Variants in BTNL8 observed in about 807,000 individuals in gnomAD.
BTNL8 encodes butyrophilin-like protein 8.
Under a neutral mutation model 36.1 loss-of-function variants are expected in BTNL8, and 22 were observed. The ratio of observed to expected loss-of-function variants is 0.61; its 90% CI spans 0.44 to 0.87. The LOEUF is 0.87. Ranked by LOEUF, BTNL8 falls within the 40% of genes least tolerant of loss-of-function variation. The probability of loss-of-function intolerance (pLI) is 0.00; values close to 1 mark genes in which losing one functional copy is unlikely to be tolerated. For synonymous variants in BTNL8, 203 were observed against 235.6 expected (o/e 0.86, Z 1.27); for missense variants, 526 against 616.9 (o/e 0.85, Z 1.56).
At chr5:180,918,241 T>C (rs1207236031) in intron 3 of BTNL8, among the ~76,000 whole-genome samples, 2 of 151,994 alleles carry the variant, frequency 1.3e-5, no homozygotes, top group African/African-American at 4.8e-5. Flanking sequence ...TTCCAACAAA[T>C]ATTAGCCAAC....
Position 180,935,386 on chromosome 5 carries a change from T to C in BTNL8, c.674-12126T>C, listed in dbSNP as rs1222175115. Among the ~76,000 whole-genome samples the C allele has an allele frequency of 6.6e-6, 1 of 152,224 alleles. No individual in the cohort carries two copies. The highest frequency in any genetic ancestry group is 2.4e-5 in the African/African-American group (1 of 41,468). ...TGTGCAGAGCTGCCCTCAGCCATCG[T>C]CCTCCCTCCTGTGCTCACTGGTGCT... is the stretch of plus-strand genomic sequence containing the variant. On this transcript the variant is annotated intron_variant, in intron 3 of 7. Coordinates refer to ENST00000340184, the MANE Select transcript of BTNL8 (RefSeq NM_001040462.3). The surrounding 1 kb of genome is among the most constrained non-coding windows in gnomAD (Gnocchi z 4.8).
At chr5:180,941,914 T>TTTTTTTTTTTTTTTTTTTTTTTG (rs1281454934) in intron 3 of BTNL8, among the ~76,000 whole-genome samples, 17 of 150,870 alleles carry the variant, frequency 1.1e-4, no homozygotes, top group Non-Finnish European at 1.8e-4. Context: ...TTACTACTCT[T>TTTTTTTTTTTTTTTTTTTTTTTG]ATTCAACAAA....
Position 180,905,968 on chromosome 5 carries a change from T to G in BTNL8, c.50-2618T>G, listed in dbSNP as rs1479546678. Among the ~76,000 whole-genome samples the G allele has an allele frequency of 1.9e-4, 26 of 138,146 alleles. No homozygotes were observed. The East Asian group carries it at 5.0e-3, about 27-fold the overall frequency. 90.6% of individuals were successfully genotyped at this position (138,146 alleles called of 152,430 possible). A position where few individuals can be genotyped will look rare whatever the true frequency, so the allele number is the denominator to read the frequency against. On this transcript the variant is annotated intron_variant, in intron 1 of 7. Transcript: ENST00000340184. ...TATGTGGTCAATTTTGTAACAGGTG[T>G]GGTGTGGTGCTGAAAAAAATGTATA...
intron 3 of BTNL8, among the ~76,000 whole-genome samples, chr5:180,942,673 A>G (rs978749064): frequency 2.0e-5 from 3 of 151,882 alleles, no homozygotes; most frequent in African/African-American, 7.3e-5. Flanking sequence ...GAAAGGTGCC[A>G]AGAATATATA....
intron 3 of BTNL8, among the ~76,000 whole-genome samples, chr5:180,941,758 T>C (rs990710249): frequency 6.6e-6 from 1 of 151,950 alleles, no homozygotes; most frequent in Non-Finnish European, 1.5e-5. Context: ...CTGCATGATA[T>C]AAACTCTCAA....
chr5:180,947,980 A>G (rs1582068850), intron 4 of BTNL8: 1 of 689,832 alleles, frequency 1.4e-6, no homozygotes, highest in Non-Finnish European at 2.4e-6. Context: ...GACTGACAAT[A>G]AGATAAAATT....
chr5:180,949,087 G>A lies in BTNL8; in HGVS notation c.835+141G>A, dbSNP rs1175052868. 61 of 1,224,492 alleles carry A rather than the reference G, an allele frequency of 5.0e-5. 11 individuals are homozygous for A. Among genetic ancestry groups the A allele is most frequent in the Non-Finnish European group, 6.8e-5 (60 of 880,758 alleles). 75.9% of individuals were successfully genotyped at this position (1,224,492 alleles called of 1,614,324 possible). On this transcript the variant is annotated intron_variant, in intron 6 of 7. Transcript: ENST00000340184. ...TCTGAAATTGCAGATTCTGGGGGAG[G>A]TGCATTTTGTAGAGAAGCCCCATAG...
At chr5:180,926,114 A>G (rs530517276) in intron 3 of BTNL8, among the ~76,000 whole-genome samples, 2 of 152,266 alleles carry the variant, frequency 1.3e-5, no homozygotes, top group East Asian at 3.9e-4. Flanking sequence ...TGCATTTCCA[A>G]CTGAGGTACC....
chr5:180,916,021 T>C (rs935885749), intron 3 of BTNL8, among the ~76,000 whole-genome samples: 1 of 152,208 alleles, frequency 6.6e-6, no homozygotes, highest in Non-Finnish European at 1.5e-5. Context: ...ATTTGGCTCA[T>C]GGTCGTGGAG....
chr5:180,949,458 GGGA>G lies in BTNL8; in HGVS notation c.862+195_862+197del, dbSNP rs1272451150. 81 of 919,982 alleles carry G rather than the reference GGGA, an allele frequency of 8.8e-5. 11 individuals are homozygous for G. In the African/African-American group the frequency reaches 1.2e-3, roughly 13 times the overall value. The allele number at this position is 919,982 out of a possible 1,614,324, so 57.0% of individuals were successfully genotyped here. On this transcript the variant is annotated intron_variant, in intron 7 of 7. Coordinates refer to ENST00000340184, the MANE Select transcript of BTNL8 (RefSeq NM_001040462.3). ...ACACTTCTTTCCCTTGGTCTAGAAG[GGGA>G]GAAGACAGGGGCTGGGTAAACGGGA...
intron 3 of BTNL8, among the ~76,000 whole-genome samples, chr5:180,917,852 C>A (rs1244288894): frequency 6.6e-6 from 1 of 151,578 alleles, no homozygotes; most frequent in East Asian, 1.9e-4. Context: ...CACGGTGAAA[C>A]CCTGTCTCTA....
chr5:180,936,215 C>T (rs1018856293), intron 3 of BTNL8, among the ~76,000 whole-genome samples: 1 of 151,978 alleles, frequency 6.6e-6, no homozygotes. Flanking sequence ...GCACTTCTTT[C>T]TAACATAGTA....
intron 2 of BTNL8, 50 bp from the exon 3 acceptor site, chr5:180,911,289 G>C (rs749371133): frequency 6.3e-7 from 1 of 1,597,136 alleles, no homozygotes; most frequent in Admixed American, 1.7e-5. Flanking sequence ...GAATTGCTGT[G>C]GCTTTGGGAT....
rs146239583 is a variant in BTNL8, at chr5:180,908,687, A to C, written c.151A>C (p.Met51Leu). Residue 51 changes from methionine (M) to leucine (L), a missense_variant, in exon 2 of 8, where the codon ATG becomes CTG. By Grantham distance (15) the Met-to-Leu change is conservative (BLOSUM62 2). Coordinates refer to ENST00000340184, the MANE Select transcript of BTNL8 (RefSeq NM_001040462.3). ...FLSPKTNAEA[M>L]EVRFFRGQFS... ...GTCTCCTAAGACCAATGCAGAGGCC[A>C]TGGAAGTGCGGTTCTTCAGGGGCCA... 2 of 1,614,112 alleles carry C rather than the reference A, an allele frequency of 1.2e-6. No individual in the cohort carries two copies. Among genetic ancestry groups the C allele is most frequent in the Non-Finnish European group, 1.7e-6 (2 of 1,180,048 alleles).
chr5:180,911,621 A>G lies in BTNL8; in HGVS notation c.673+7A>G, dbSNP rs1283547423. 1 of 1,596,024 alleles carries G rather than the reference A, an allele frequency of 6.3e-7. No homozygotes were observed. Among genetic ancestry groups the G allele is most frequent in the Non-Finnish European group, 8.6e-7 (1 of 1,165,846 alleles). On this transcript the variant is annotated splice_region_variant and intron_variant, in intron 3 of 7. Coordinates refer to ENST00000340184, the MANE Select transcript of BTNL8 (RefSeq NM_001040462.3). ...TCCAGGGTACAGATAGGAGGTGAGTAGGGAGGGGAGGAGAAGAGAAGGAGG... is the reference window on the plus strand; with the variant it reads ...TCCAGGGTACAGATAGGAGGTGAGTGGGGAGGGGAGGAGAAGAGAAGGAGG...
intron 3 of BTNL8, among the ~76,000 whole-genome samples, chr5:180,924,408 C>T (rs1031000618): frequency 2.6e-5 from 4 of 151,172 alleles, no homozygotes; most frequent in Admixed American, 1.3e-4. Context: ...GCTCAGCACA[C>T]GTCCCTGACC....
At chr5:180,925,380 C>G (rs1426346112) in intron 3 of BTNL8, among the ~76,000 whole-genome samples, 2 of 152,098 alleles carry the variant, frequency 1.3e-5, no homozygotes, top group African/African-American at 4.8e-5. Flanking sequence ...AAATCAGAGA[C>G]AAAGAAAGAA....
intron 3 of BTNL8, among the ~76,000 whole-genome samples, chr5:180,912,561 C>A (rs1757447942): frequency 6.6e-6 from 1 of 151,850 alleles, no homozygotes; most frequent in Non-Finnish European, 1.5e-5. Context: ...TTCAGTCATC[C>A]CTAAAATTCT....
chr5:180,910,264 G>A (rs187504531), intron 2 of BTNL8, among the ~76,000 whole-genome samples: 2 of 152,122 alleles, frequency 1.3e-5, no homozygotes, highest in East Asian at 3.9e-4. Flanking sequence ...AAAAAAAGAG[G>A]AAATAAACTA....
Sources: allele counts gnomAD v4.1 joint callset (sites outside exome capture counted in the v4.1 genomes callset), GRCh38; gene constraint gnomAD v4.1.1; non-coding constraint Gnocchi (gnomAD v3.1); transcripts MANE v1.5; gene names NCBI Gene and HGNC (gene_info 2026-07-23, HGNC 2026-07-21).